RYR2: variants seen among roughly 807,000 people sequenced by gnomAD.
RYR2 encodes cardiac muscle ryanodine receptor-calcium release channel.
A neutral mutation model predicts 601.1 loss-of-function variants in RYR2; 227 were observed. The ratio of observed to expected loss-of-function variants is 0.38; its 90% CI spans 0.34 to 0.42. The LOEUF (loss-of-function observed/expected upper bound fraction) is 0.42. RYR2 is among the 10% of genes least tolerant of loss of function. The pLI is 1.00. For missense variants in RYR2, 4,646 were observed against 6,156.5 expected, an observed-to-expected ratio of 0.75 and a Z score of 8.21; for synonymous variants, 2,223 against 2,175.1, an observed-to-expected ratio of 1.02 and a Z score of -0.61.
intron 29 of RYR2, among the ~76,000 whole-genome samples, chr1:237,582,764 C>T (rs1674068180): frequency 6.6e-6 from 1 of 152,070 alleles, no homozygotes; most frequent in Admixed American, 6.6e-5. Flanking sequence ...TTTATAGCTG[C>T]ATAGTATTTC....
chr1:237,133,798 T>C (rs1490222900), intron 1 of RYR2, among the ~76,000 whole-genome samples: 5 of 151,588 alleles, frequency 3.3e-5, no homozygotes, highest in Admixed American at 3.3e-4. Flanking sequence ...GGTGGCACAT[T>C]CCTGTAATCC....
At chr1:237,093,051 C>G (rs985551318) in intron 1 of RYR2, among the ~76,000 whole-genome samples, 2 of 152,080 alleles carry the variant, frequency 1.3e-5, no homozygotes, top group Non-Finnish European at 2.9e-5. Flanking sequence ...TCTGTGCCAT[C>G]CAGTACCACT....
chr1:237,182,103 G>GTTTATTTATTTATTTATTTA (rs71698093), intron 1 of RYR2, among the ~76,000 whole-genome samples: 9 of 148,548 alleles, frequency 6.1e-5, no homozygotes, highest in Admixed American at 1.4e-4. Flanking sequence ...ACTCCCTGGG[G>GTTTATTTATTTATTTATTTA]TTTATTTATT....
chr1:237,402,718 C>T (rs966071202), intron 10 of RYR2, among the ~76,000 whole-genome samples: 4 of 148,962 alleles, frequency 2.7e-5, no homozygotes, highest in African/African-American at 9.9e-5. Context: ...AGTTTGATAC[C>T]AGCCTGGACA....
chr1:237,315,156 C>G (rs976672631), intron 2 of RYR2, among the ~76,000 whole-genome samples: 2 of 152,088 alleles, frequency 1.3e-5, no homozygotes, highest in African/African-American at 4.8e-5. Context: ...TTTCTTTCTC[C>G]TCTTTGTCCT....
At chr1:237,723,065 T>C (rs888820742) in intron 73 of RYR2, 63 bp from the exon 74 acceptor site, 144 of 1,443,462 alleles carry the variant, frequency 1.0e-4, no homozygotes, top group Non-Finnish European at 1.4e-5. Context: ...TTCCTATCTT[T>C]AGATTGTAAC....
chr1:237,598,518 C>T (rs938711699), intron 34 of RYR2, among the ~76,000 whole-genome samples: 1 of 152,086 alleles, frequency 6.6e-6, no homozygotes, highest in African/African-American at 2.4e-5. Context: ...ACTGAGGAAA[C>T]TTTACGAATA....
At chr1:237,434,774 A>C (rs915326666) in intron 12 of RYR2, among the ~76,000 whole-genome samples, 2 of 152,162 alleles carry the variant, frequency 1.3e-5, no homozygotes, top group African/African-American at 4.8e-5. Context: ...CAAATGTAAA[A>C]TATAAAACTT....
At chr1:237,192,438 C>G (rs1402536413) in intron 1 of RYR2, among the ~76,000 whole-genome samples, 2 of 152,188 alleles carry the variant, frequency 1.3e-5, no homozygotes, top group Non-Finnish European at 2.9e-5. Flanking sequence ...TGGTCTCAAA[C>G]TCCTGACTTC....
intron 17 of RYR2, among the ~76,000 whole-genome samples, chr1:237,478,345 G>A (rs768164140): frequency 6.6e-5 from 10 of 152,108 alleles, no homozygotes; most frequent in South Asian, 2.1e-4. Flanking sequence ...TGTGCTTCCC[G>A]TTTTTTAACC....
At chr1:237,335,700 G>T (rs983845478) in intron 3 of RYR2, among the ~76,000 whole-genome samples, 1 of 152,084 alleles carries the variant, frequency 6.6e-6, no homozygotes, top group Non-Finnish European at 1.5e-5. Flanking sequence ...TTGAACTAGA[G>T]AAAAAATTAA....
rs1322936270 is a variant in RYR2, at chr1:237,795,349, C to T, written c.13956+18C>T. On this transcript the variant is annotated intron_variant, in intron 96 of 104. Coordinates refer to ENST00000366574, the MANE Select transcript of RYR2 (RefSeq NM_001035.3). ...AAAGAAAGGTAATATTACTTGGAAT[C>T]CTCTACATTTTTCTTAAAGCACAGT... 2 of 1,321,016 alleles carry T rather than the reference C, an allele frequency of 1.5e-6. No individual in the cohort carries two copies. The highest frequency in any genetic ancestry group is 4.4e-5 in the Admixed American group (2 of 45,932). 81.8% of individuals were successfully genotyped at this position (1,321,016 alleles called of 1,614,324 possible). A position where few individuals can be genotyped will look rare whatever the true frequency, so the allele number is the denominator to read the frequency against.
chr1:237,417,001 G>A, intron 10 of RYR2, 48 bp from the exon 11 acceptor site: 2 of 1,541,078 alleles, frequency 1.3e-6, no homozygotes, highest in Non-Finnish European at 9.0e-7. Context: ...TCCAAAGAAT[G>A]AAACATGTTT....
Position 237,058,976 on chromosome 1 carries a change from G to T in RYR2, c.48+16407G>T, listed in dbSNP as rs529878641. On this transcript the variant is annotated intron_variant, in intron 1 of 104. Transcript: ENST00000366574. ...ACATTTTCTGCAGAAATTTTTTTTT[G>T]AATTTCACATGTCTAGCAGAACGAG... Among the ~76,000 whole-genome samples the T allele has an allele frequency of 4.6e-5, 7 of 150,638 alleles. No individual in the cohort carries two copies. The South Asian group carries it at 1.5e-3, about 32-fold the overall frequency.
intron 5 of RYR2, 58 bp downstream of exon 5, chr1:237,364,430 G>T (rs1700037790): frequency 1.1e-6 from 1 of 923,612 alleles, no homozygotes; most frequent in East Asian, 2.8e-5. Context: ...TACTATATAT[G>T]GATTATATAT....
chr1:237,371,005 A>G (rs1700598364), intron 6 of RYR2, among the ~76,000 whole-genome samples: 1 of 151,748 alleles, frequency 6.6e-6, no homozygotes, highest in Non-Finnish European at 1.5e-5. Context: ...AAAGCAATAC[A>G]TATTCTATAC....
chr1:237,830,941 C>T (rs1442934436), intron 103 of RYR2, among the ~76,000 whole-genome samples: 1 of 152,034 alleles, frequency 6.6e-6, no homozygotes, highest in Admixed American at 6.5e-5. Context: ...AGGCTGCTTC[C>T]TAGGGAGATG....
intron 89 of RYR2, among the ~76,000 whole-genome samples, chr1:237,782,322 C>G (rs887603514): frequency 3.3e-5 from 5 of 151,680 alleles, no homozygotes; most frequent in African/African-American, 1.2e-4. Context: ...TCCATTTTTT[C>G]AGTTTCCTCC....
chr1:237,739,377 C>T (rs1197228834), intron 79 of RYR2, among the ~76,000 whole-genome samples: 2 of 152,112 alleles, frequency 1.3e-5, no homozygotes, highest in African/African-American at 4.8e-5. Flanking sequence ...CTACCCTGCT[C>T]GATTCCTTAG....
Sources: gnomAD v4.1 joint callset for allele counts (sites outside exome capture counted in the v4.1 genomes callset) on GRCh38, gnomAD v4.1.1 for gene constraint, MANE v1.5 for transcripts, NCBI Gene and HGNC (gene_info 2026-07-23, HGNC 2026-07-21) for gene names.